Variants in NRXN3 observed in about 807,000 individuals in gnomAD.
NRXN3 encodes neurexin III.
In NRXN3, 32 loss-of-function variants were observed where a neutral mutation model predicts 137.6. The observed-to-expected ratio is 0.23, with a 90% CI of 0.18 to 0.31. The LOEUF (loss-of-function observed/expected upper bound fraction) is 0.31. Among genes scored for constraint, NRXN3 ranks in the 10% least tolerant of loss-of-function variants. The pLI, the probability that NRXN3 is intolerant of heterozygous loss-of-function variation, is 1.00. For synonymous variants in NRXN3, 798 were observed against 784.5 expected, an observed-to-expected ratio of 1.02 and a Z score of -0.29; for missense variants, 1,574 against 2,062.5, an observed-to-expected ratio of 0.76 and a Z score of 4.59.
At chr14:78,471,310 A>T (rs898648601) in intron 4 of NRXN3, among the ~76,000 whole-genome samples, 1 of 64,324 alleles carries the variant, frequency 1.6e-5, no homozygotes, top group Non-Finnish European at 3.6e-5. Context: ...ACACACACAC[A>T]CACACACACA....
intron 16 of NRXN3, among the ~76,000 whole-genome samples, chr14:79,570,291 T>G (rs2097586507): frequency 6.6e-6 from 1 of 152,186 alleles, no homozygotes; most frequent in Admixed American, 6.6e-5. Context: ...TCCAGAATGC[T>G]GCCTTCTATG....
chr14:78,572,564 A>G (rs1262107301), intron 4 of NRXN3, among the ~76,000 whole-genome samples: 1 of 152,138 alleles, frequency 6.6e-6, no homozygotes, highest in East Asian at 1.9e-4. Flanking sequence ...GGGGTGTCCA[A>G]TCTTTTGACT....
At chr14:78,587,763 C>G (rs2097079842) in intron 4 of NRXN3, among the ~76,000 whole-genome samples, 1 of 152,196 alleles carries the variant, frequency 6.6e-6, no homozygotes, top group African/African-American at 2.4e-5. Context: ...CTTAAAGACT[C>G]AGGGCATCAT....
In NRXN3 at chr14:79,283,181, C is replaced by T. The variant is rs563295683; in HGVS notation, c.3263-184040C>T. On this transcript the variant is annotated intron_variant, in intron 15 of 20. Transcript: ENST00000335750. The stretch of plus-strand genomic sequence containing the variant: ...ACTGATGGTTGTTATTGATGATTTA[C>T]TGCCAATCTTATTCCAGAGTTAAAG... Among the ~76,000 whole-genome samples, 6 of 152,320 alleles carry T rather than the reference C, an allele frequency of 3.9e-5. No individual in the cohort carries two copies. The East Asian group carries it at 1.2e-3, about 29-fold the overall frequency.
At chr14:79,634,654 G>A (rs1436211679) in intron 16 of NRXN3, among the ~76,000 whole-genome samples, 2 of 152,216 alleles carry the variant, frequency 1.3e-5, no homozygotes, top group African/African-American at 4.8e-5. Context: ...TATTTTACCC[G>A]TGAGCTATAT....
At chr14:79,384,389 T>A (rs1313068919) in intron 15 of NRXN3, among the ~76,000 whole-genome samples, 1 of 152,178 alleles carries the variant, frequency 6.6e-6, no homozygotes. Flanking sequence ...TACTAAGACT[T>A]GAGAATGAGT....
At chr14:79,129,642 A>T (rs2057121061) in intron 15 of NRXN3, among the ~76,000 whole-genome samples, 1 of 135,316 alleles carries the variant, frequency 7.4e-6, no homozygotes, top group Non-Finnish European at 1.6e-5. Flanking sequence ...TGCTGAAAAA[A>T]ATGTCTATTC....
chr14:78,358,637 G>T (rs1055208920), intron 4 of NRXN3, among the ~76,000 whole-genome samples: 1 of 152,158 alleles, frequency 6.6e-6, no homozygotes, highest in African/African-American at 2.4e-5. Context: ...GGCTAAGAAC[G>T]TTTGGGTAGC....
intron 3 of NRXN3, among the ~76,000 whole-genome samples, chr14:78,280,937 G>A (rs571788009): frequency 4.9e-4 from 75 of 152,288 alleles, no homozygotes; most frequent in East Asian, 1.9e-4. Flanking sequence ...CAGTGTTGAG[G>A]AAGTTGGGGC....
intron 15 of NRXN3, among the ~76,000 whole-genome samples, chr14:79,386,797 G>A (rs149102551): frequency 0.01 from 1,592 of 152,108 alleles, 26 homozygotes; most frequent in African/African-American, 0.035. Flanking sequence ...AAATAATGCC[G>A]CTTATCTACA....
intron 6 of NRXN3, among the ~76,000 whole-genome samples, chr14:78,663,056 G>T (rs1602077987): frequency 6.6e-6 from 1 of 152,172 alleles, no homozygotes; most frequent in Non-Finnish European, 1.5e-5. Context: ...AAGCTTATGA[G>T]CTGGATTCTA....
At chr14:79,465,382 C>T (rs2096407878) in intron 15 of NRXN3, among the ~76,000 whole-genome samples, 1 of 152,098 alleles carries the variant, frequency 6.6e-6, no homozygotes, top group South Asian at 2.1e-4. Context: ...TTTCGAGACA[C>T]CATCCCCTAA....
At chr14:79,061,520 G>A (rs543831205) in intron 15 of NRXN3, among the ~76,000 whole-genome samples, 1 of 152,332 alleles carries the variant, frequency 6.6e-6, no homozygotes, top group South Asian at 2.1e-4. Flanking sequence ...AAGCCATAGT[G>A]ACTGGAATAT....
intron 20 of NRXN3, among the ~76,000 whole-genome samples, chr14:79,810,072 T>C (rs1326260642): frequency 6.6e-6 from 1 of 152,178 alleles, no homozygotes; most frequent in Non-Finnish European, 1.5e-5. Flanking sequence ...AATAGAGTAA[T>C]AGTGAAAACA....
chr14:78,198,042 G>A (rs2061376841), intron 1 of NRXN3, among the ~76,000 whole-genome samples: 1 of 152,180 alleles, frequency 6.6e-6, no homozygotes, highest in South Asian at 2.1e-4. Flanking sequence ...ATCTTGGAAA[G>A]ATACGACCAG....
chr14:79,059,258 T>TTTTTTTTTTTTTTC (rs2099670968), intron 15 of NRXN3, among the ~76,000 whole-genome samples: 1 of 34,610 alleles, frequency 2.9e-5, no homozygotes, highest in African/African-American at 5.1e-5. Context: ...TTCTTTTTTT[T>TTTTTTTTTTTTTTC]TTTTTTTTTT....
chr14:79,301,234 A>G (rs1289669708), intron 15 of NRXN3, among the ~76,000 whole-genome samples: 1 of 152,028 alleles, frequency 6.6e-6, no homozygotes, highest in Non-Finnish European at 1.5e-5. Context: ...CCAAAAGACA[A>G]TCATGTGGAC....
In NRXN3 at chr14:79,641,300, G is replaced by A. The variant is rs191652214; in HGVS notation, c.3445-22478G>A. 2.6e-4 allele frequency among the ~76,000 whole-genome samples: 35 copies of A among 135,378 alleles called. 8 individuals carry two copies. Among genetic ancestry groups the A allele is most frequent in the Admixed American group, 2.6e-3 (33 of 12,770 alleles). The allele number at this position is 135,378 out of a possible 152,430, so 88.8% of individuals were successfully genotyped here. A position where few individuals can be genotyped will look rare whatever the true frequency, so the allele number is the denominator to read the frequency against. ...TGGGATTACAGGCATGAGCCACCGC[G>A]CTCGGCCTCTTCTTTACTATAGAGT... On this transcript the variant is annotated intron_variant, in intron 16 of 20. Coordinates refer to ENST00000335750, the MANE Select transcript of NRXN3 (RefSeq NM_001330195.2).
intron 15 of NRXN3, among the ~76,000 whole-genome samples, chr14:79,346,734 T>C (rs1181039488): frequency 1.3e-5 from 2 of 152,176 alleles, no homozygotes; most frequent in East Asian, 1.9e-4. Flanking sequence ...GGTGTATCAC[T>C]CCTCGTTATC....
Sources: allele counts gnomAD v4.1 joint callset (sites outside exome capture counted in the v4.1 genomes callset), GRCh38; gene constraint gnomAD v4.1.1; transcripts MANE v1.5; gene names NCBI Gene and HGNC (gene_info 2026-07-23, HGNC 2026-07-21).